The following RBFOX3 variants were observed in gnomAD, a reference collection of about 807,000 sequenced individuals.
The protein encoded by RBFOX3 is RNA binding protein fox-1 homolog 3.
RBFOX3 carries 17 observed loss-of-function variants against 48.7 expected under a neutral mutation model. The ratio of observed to expected loss-of-function variants is 0.35; its 90% CI spans 0.24 to 0.52. RBFOX3 has a LOEUF of 0.52. RBFOX3 is among the 20% of genes least tolerant of loss of function. The pLI, the probability that RBFOX3 is intolerant of heterozygous loss-of-function variation, is 0.94. For missense variants in RBFOX3, 382 were observed against 497.5 expected, an observed-to-expected ratio of 0.77 and a Z score of 2.21; for synonymous variants, 212 against 209.5, an observed-to-expected ratio of 1.01 and a Z score of -0.10.
At chr17:79,384,909 G>C in intron 2 of RBFOX3, among the ~76,000 whole-genome samples, 1 of 152,244 alleles carries the variant, frequency 6.6e-6, no homozygotes, top group Non-Finnish European at 1.5e-5. Flanking sequence ...TCCAAACTTC[G>C]GCAGCTACAC....
chr17:79,614,450 C>T (rs2093986434), upstream of RBFOX3, among the ~76,000 whole-genome samples: 1 of 142,666 alleles, frequency 7.0e-6, no homozygotes, highest in Non-Finnish European at 1.5e-5. Flanking sequence ...GCCCCACTCC[C>T]TGCTCGGAGC....
At chr17:79,525,973 G>A (rs1355229292) in intron 1 of RBFOX3, among the ~76,000 whole-genome samples, 4 of 152,236 alleles carry the variant, frequency 2.6e-5, no homozygotes, top group East Asian at 1.9e-4. Flanking sequence ...CACCCCCGAC[G>A]GCCATTGGCT....
At chr17:79,272,557 G>C (rs1245362933) in intron 3 of RBFOX3, among the ~76,000 whole-genome samples, 1 of 152,180 alleles carries the variant, frequency 6.6e-6, no homozygotes, top group Non-Finnish European at 1.5e-5. Flanking sequence ...GGTCCCACCT[G>C]GCTGCCTCCC....
intron 2 of RBFOX3, among the ~76,000 whole-genome samples, chr17:79,379,769 T>G (rs2059659692): frequency 6.6e-6 from 1 of 152,082 alleles, no homozygotes; most frequent in African/African-American, 2.4e-5. Flanking sequence ...CCGGTCCAGA[T>G]CGGACTCCAG....
rs1485068148 is a variant in RBFOX3 at position 79,391,410 on chromosome 17, C to A, written c.-174-83586G>T. On this transcript the variant is annotated intron_variant, in intron 2 of 14. Transcript: ENST00000693108. The surrounding 1 kb of genome is among the most constrained non-coding windows in gnomAD (Gnocchi z 5.0). ...GATTGGTGAACACTCGGGCAGGTTACCTAACTTCTCTGAGCCTCAGTCTCC... is the reference window on the plus strand; with the variant it reads ...GATTGGTGAACACTCGGGCAGGTTAACTAACTTCTCTGAGCCTCAGTCTCC... Among the ~76,000 whole-genome samples, 2 of 152,166 alleles carry A rather than the reference C, an allele frequency of 1.3e-5. No individual in the cohort carries two copies. The highest frequency in any genetic ancestry group is 4.8e-5 in the African/African-American group (2 of 41,432).
chr17:79,091,284 A>C (rs1015221140), intron 14 of RBFOX3, among the ~76,000 whole-genome samples: 8 of 152,172 alleles, frequency 5.3e-5, no homozygotes, highest in African/African-American at 1.7e-4. Flanking sequence ...ACTGGTGGGG[A>C]ACCCACACCC....
At chr17:79,294,275 G>T (rs2073947176) in intron 3 of RBFOX3, among the ~76,000 whole-genome samples, 1 of 152,192 alleles carries the variant, frequency 6.6e-6, no homozygotes, top group Non-Finnish European at 1.5e-5. Flanking sequence ...CCCAGTTCTA[G>T]CCTTGAGTGT....
intron 2 of RBFOX3, among the ~76,000 whole-genome samples, chr17:79,474,613 A>G (rs2077466055): frequency 6.6e-6 from 1 of 152,168 alleles, no homozygotes; most frequent in African/African-American, 2.4e-5. Context: ...GTATCCGTGA[A>G]CTTCAGTGCA....
intron 2 of RBFOX3, among the ~76,000 whole-genome samples, chr17:79,323,702 G>T (rs899115498): frequency 2.6e-5 from 4 of 152,214 alleles, no homozygotes; most frequent in African/African-American, 9.7e-5. Flanking sequence ...GTCCTGCTCA[G>T]CTCTCTTCTG....
intron 2 of RBFOX3, among the ~76,000 whole-genome samples, chr17:79,370,122 C>A (rs1050863013): frequency 6.6e-6 from 1 of 152,240 alleles, no homozygotes; most frequent in African/African-American, 2.4e-5. Flanking sequence ...TTGGTGCCAA[C>A]CCCATCATCA....
At chr17:79,515,377 C>T (rs1054644273) in intron 1 of RBFOX3, among the ~76,000 whole-genome samples, 6 of 152,180 alleles carry the variant, frequency 3.9e-5, no homozygotes, top group African/African-American at 4.8e-5. Context: ...CTGACCCCCA[C>T]GCAGCTCCCG....
chr17:79,155,974 G>A (rs1472300659), intron 4 of RBFOX3, among the ~76,000 whole-genome samples: 8 of 152,296 alleles, frequency 5.3e-5, no homozygotes, highest in African/African-American at 9.6e-5. Flanking sequence ...AGGGCCTCTC[G>A]GGGAGGCCCC....
intron 12 of RBFOX3, among the ~76,000 whole-genome samples, chr17:79,095,971 G>C (rs2075153533): frequency 6.6e-6 from 1 of 152,234 alleles, no homozygotes; most frequent in South Asian, 2.1e-4. Context: ...ACTGAGGCCT[G>C]ACTTGGATGC....
At chr17:79,643,065 C>T in the RBFOX3 span, among the ~76,000 whole-genome samples, 1 of 152,018 alleles carries the variant, frequency 6.6e-6, no homozygotes, top group Non-Finnish European at 1.5e-5. Flanking sequence ...TCACACCACT[C>T]CACTCTGGCC....
rs560746076 is a variant in RBFOX3, at chr17:79,436,776, C to T, written c.-175+45678G>A. On this transcript the variant is annotated intron_variant, in intron 2 of 14. Transcript: ENST00000693108. ...CACAGGCTGCCAGAGCCGATTCCAA[C>T]GCAGCCCTGTCTCTATGCAGGATCC... Among the ~76,000 whole-genome samples the T allele has an allele frequency of 2.6e-5, 4 of 152,156 alleles. No homozygotes were observed. The South Asian group carries it at 6.2e-4, about 24-fold the overall frequency.
chr17:79,199,550 T>A lies in RBFOX3; in HGVS notation c.-34+36216A>T, dbSNP rs1373667052. ...TTAGGGCTGCCAGTGACCTCTGTGG[T>A]GGGAACAGGTGACCTAGAACACACT... On this transcript the variant is annotated intron_variant, in intron 4 of 14. Transcript: ENST00000693108. This position sits in a 1 kb window ranked among gnomAD's most constrained non-coding sequence, Gnocchi z 5.1. Among the ~76,000 whole-genome samples, 1 of 152,180 alleles carries A rather than the reference T, an allele frequency of 6.6e-6. No homozygotes were observed. The highest frequency in any genetic ancestry group is 1.5e-5 in the Non-Finnish European group (1 of 68,012).
intron 1 of RBFOX3, among the ~76,000 whole-genome samples, chr17:79,513,136 C>T (rs369415726): frequency 1.3e-5 from 2 of 152,122 alleles, no homozygotes; most frequent in East Asian, 3.9e-4. Context: ...TACATGTTAC[C>T]ATCAAGTACA....
At chr17:79,186,652 T>A (rs1045869876) in intron 4 of RBFOX3, among the ~76,000 whole-genome samples, 2 of 150,664 alleles carry the variant, frequency 1.3e-5, no homozygotes, top group Non-Finnish European at 3.0e-5. Flanking sequence ...GGAAGAGCTG[T>A]CACTCCAGTG....
At chr17:79,632,865 T>C in the RBFOX3 span, among the ~76,000 whole-genome samples, 1 of 151,902 alleles carries the variant, frequency 6.6e-6, no homozygotes, top group Non-Finnish European at 1.5e-5. Flanking sequence ...CAGTGAGCTG[T>C]GATCACAACA....
Sources: allele counts gnomAD v4.1 joint callset (sites outside exome capture counted in the v4.1 genomes callset), GRCh38; gene constraint gnomAD v4.1.1; non-coding constraint Gnocchi (gnomAD v3.1); transcripts MANE v1.5; gene names NCBI Gene and HGNC (gene_info 2026-07-23, HGNC 2026-07-21).